Variants in MDFIC observed in about 807,000 individuals in gnomAD.
MDFIC encodes myoD family inhibitor domain-containing protein.
MDFIC carries 17 observed loss-of-function variants against 23.2 expected under a neutral mutation model. That is an observed-to-expected ratio of 0.73 (90% CI 0.50 to 1.10). The LOEUF (loss-of-function observed/expected upper bound fraction) is 1.10. Among genes scored for constraint, MDFIC ranks in the 50% least tolerant of loss-of-function variants. The pLI, the probability that MDFIC is intolerant of heterozygous loss-of-function variation, is 0.00. For missense variants in MDFIC, 356 were observed against 316.6 expected (o/e 1.12, Z -0.95); for synonymous variants, 120 against 115.2 (o/e 1.04, Z -0.27).
intron 4 of MDFIC, among the ~76,000 whole-genome samples, chr7:114,991,503 A>G (rs1274246555): frequency 6.6e-6 from 1 of 152,096 alleles, no homozygotes; most frequent in African/African-American, 2.4e-5. Context: ...TGAGTCTTTG[A>G]TCCATCTTGA....
At chr7:114,942,022 T>A (rs1422166654) in intron 2 of MDFIC, among the ~76,000 whole-genome samples, 1 of 152,190 alleles carries the variant, frequency 6.6e-6, no homozygotes, top group Non-Finnish European at 1.5e-5. Flanking sequence ...GTGTTAAAAT[T>A]ACTTGTTTAC....
Position 114,922,272 on chromosome 7 carries a change from C to A in MDFIC, c.-472C>A. The A allele has an allele frequency of 1.3e-6, 1 of 783,446 alleles. No individual in the cohort carries two copies. The highest frequency in any genetic ancestry group is 1.7e-6 in the Non-Finnish European group (1 of 579,360). 48.5% of individuals were successfully genotyped at this position (783,446 alleles called of 1,614,324 possible). ...GCTAGCCAAGAGTTCGAGGCCTTCC[C>A]GATCCGGATGTGATGAAAAAGAGCA... On this transcript the variant is annotated 5_prime_UTR_variant, in exon 1 of 5. Transcript: ENST00000393486.
chr7:114,971,985 T>C (rs1429100517), intron 3 of MDFIC, among the ~76,000 whole-genome samples: 1 of 152,062 alleles, frequency 6.6e-6, no homozygotes, highest in Non-Finnish European at 1.5e-5. Context: ...AGACAAATAG[T>C]AATTCAGGAA....
intron 3 of MDFIC, among the ~76,000 whole-genome samples, chr7:114,978,459 C>T (rs750251525): frequency 6.6e-6 from 1 of 152,042 alleles, no homozygotes. Flanking sequence ...CATAAAACCT[C>T]TGCCCATTTT....
intron 3 of MDFIC, among the ~76,000 whole-genome samples, chr7:114,971,804 G>C (rs1793210863): frequency 6.6e-6 from 1 of 151,918 alleles, no homozygotes; most frequent in Non-Finnish European, 1.5e-5. Flanking sequence ...AGAAAATGCT[G>C]ATTATTTTCT....
At chr7:114,998,313 T>A (rs919327881) in intron 4 of MDFIC, among the ~76,000 whole-genome samples, 1 of 152,206 alleles carries the variant, frequency 6.6e-6, no homozygotes, top group South Asian at 2.1e-4. Context: ...CCACCTATAG[T>A]AAAACCTTAT....
intron 3 of MDFIC, among the ~76,000 whole-genome samples, chr7:114,957,666 G>A (rs1792909404): frequency 6.6e-6 from 1 of 152,166 alleles, no homozygotes; most frequent in Non-Finnish European, 1.5e-5. Flanking sequence ...TTGGAGAACA[G>A]TGTATTTCAA....
intron 4 of MDFIC, among the ~76,000 whole-genome samples, chr7:114,997,553 C>G (rs1028829872): frequency 2.0e-5 from 3 of 147,228 alleles, no homozygotes; most frequent in African/African-American, 7.6e-5. Context: ...AATTTGAGAC[C>G]AGTCTGGACC....
At chr7:114,955,410 G>A (rs950808516) in intron 3 of MDFIC, among the ~76,000 whole-genome samples, 18 of 152,226 alleles carry the variant, frequency 1.2e-4, no homozygotes, top group African/African-American at 3.6e-4. Context: ...AGCAAGGCTC[G>A]TGTGATTTCT....
chr7:115,013,904 C>A, intron 4 of MDFIC: 1 of 783,948 alleles, frequency 1.3e-6, no homozygotes, highest in Non-Finnish European at 1.5e-6. Context: ...TTGGTTACTA[C>A]CAGAAATCAA....
At chr7:114,928,844 G>A (rs750246257) in intron 2 of MDFIC, among the ~76,000 whole-genome samples, 10 of 152,144 alleles carry the variant, frequency 6.6e-5, no homozygotes, top group Non-Finnish European at 1.0e-4. Context: ...AAGATTAGAG[G>A]ACTTAGGGCA....
At chr7:114,990,805 A>G (rs1791140346) in intron 4 of MDFIC, among the ~76,000 whole-genome samples, 1 of 152,170 alleles carries the variant, frequency 6.6e-6, no homozygotes. Flanking sequence ...GCCCCAATAA[A>G]CATACATGTG....
chr7:114,967,259 G>T (rs1793116208), intron 3 of MDFIC, among the ~76,000 whole-genome samples: 1 of 152,284 alleles, frequency 6.6e-6, no homozygotes, highest in South Asian at 2.1e-4. Flanking sequence ...TGGTTTGGAG[G>T]TCAGCCTGTG....
intron 3 of MDFIC, among the ~76,000 whole-genome samples, chr7:114,966,689 C>T (rs1390714990): frequency 6.6e-6 from 1 of 152,156 alleles, no homozygotes; most frequent in Admixed American, 6.5e-5. Flanking sequence ...ACAGTTTATA[C>T]TAGAGCAATA....
intron 2 of MDFIC, among the ~76,000 whole-genome samples, chr7:114,937,632 G>C (rs185529880): frequency 2.5e-3 from 377 of 152,322 alleles, no homozygotes; most frequent in Non-Finnish European, 4.5e-3. Context: ...AATTATGACA[G>C]AGCAGTTGTC....
intron 3 of MDFIC, among the ~76,000 whole-genome samples, chr7:114,961,659 A>C (rs1439976567): frequency 6.6e-6 from 1 of 152,180 alleles, no homozygotes; most frequent in Non-Finnish European, 1.5e-5. Context: ...ATCATGGTGG[A>C]AGGTGAAGGG....
At chr7:114,966,819 T>C (rs1793106516) in intron 3 of MDFIC, among the ~76,000 whole-genome samples, 1 of 152,216 alleles carries the variant, frequency 6.6e-6, no homozygotes, top group African/African-American at 2.4e-5. Flanking sequence ...AGAGCATATG[T>C]AGAAGTTGTA....
At chr7:114,923,202 A>G (rs1792126784) in intron 2 of MDFIC, 75 bp downstream of exon 2, 1 of 1,502,012 alleles carries the variant, frequency 6.7e-7, no homozygotes, top group Non-Finnish European at 8.9e-7. Flanking sequence ...GTGCACAGAT[A>G]GGGGTGGGGG....
At chr7:114,986,010 C>T (rs1353777014) in intron 4 of MDFIC, among the ~76,000 whole-genome samples, 3 of 149,846 alleles carry the variant, frequency 2.0e-5, no homozygotes, top group Non-Finnish European at 4.4e-5. Context: ...GCCCTACCAT[C>T]TGCACCGTGA....
Sources: allele counts gnomAD v4.1 joint callset (sites outside exome capture counted in the v4.1 genomes callset), GRCh38; gene constraint gnomAD v4.1.1; transcripts MANE v1.5; gene names NCBI Gene and HGNC (gene_info 2026-07-23, HGNC 2026-07-21).